Variants in ERC2 observed in about 807,000 individuals in gnomAD.
ERC2 encodes ELKS/RAB6-interacting/CAST family member 2, also known as ERC protein 2.
ERC2 carries 42 observed loss-of-function variants against 114.8 expected under a neutral mutation model. The observed-to-expected ratio is 0.37, with a 90% CI of 0.29 to 0.47. ERC2 has a LOEUF of 0.47. Among genes scored for constraint, ERC2 ranks in the 20% least tolerant of loss-of-function variants. The pLI is 0.99. For synonymous variants in ERC2, 454 were observed against 425.5 expected (o/e 1.07, Z -0.82); for missense variants, 939 against 1,150.7 (o/e 0.82, Z 2.66).
chr3:55,634,617 G>C (rs1161227317), intron 17 of ERC2, among the ~76,000 whole-genome samples: 3 of 152,166 alleles, frequency 2.0e-5, no homozygotes, highest in Non-Finnish European at 4.4e-5. Context: ...TAGACTGTAA[G>C]ATTAAACCAT....
chr3:55,995,267 A>T (rs1044914068), intron 10 of ERC2, among the ~76,000 whole-genome samples: 1 of 152,156 alleles, frequency 6.6e-6, no homozygotes, highest in Non-Finnish European at 1.5e-5. Context: ...CAGGAGGCGG[A>T]GGTTTCAGTG....
intron 14 of ERC2, among the ~76,000 whole-genome samples, chr3:55,799,362 TTA>T (rs770426790): frequency 1.4e-4 from 19 of 133,614 alleles, no homozygotes; most frequent in Non-Finnish European, 1.6e-4. Context: ...ACCACAATTC[TTA>T]TATATATATA....
chr3:56,038,647 A>G (rs1026097433), intron 7 of ERC2, among the ~76,000 whole-genome samples: 3 of 152,222 alleles, frequency 2.0e-5, no homozygotes, highest in Non-Finnish European at 4.4e-5. Context: ...TGTTCATTGC[A>G]GCACTATTCG....
intron 15 of ERC2, among the ~76,000 whole-genome samples, chr3:55,713,604 T>C (rs1211142151): frequency 6.6e-6 from 1 of 152,234 alleles, no homozygotes; most frequent in Admixed American, 6.5e-5. Context: ...TCTGATTTTG[T>C]CTGCCATTGT....
At chr3:56,301,341 CTTTTAA>C (rs1220893750) in intron 2 of ERC2, among the ~76,000 whole-genome samples, 3 of 151,732 alleles carry the variant, frequency 2.0e-5, no homozygotes, top group Admixed American at 6.6e-5. Context: ...TTTTCATTTT[CTTTTAA>C]TTTTAAGATA....
chr3:56,310,843 C>T (rs1208804198), intron 2 of ERC2, among the ~76,000 whole-genome samples: 2 of 151,832 alleles, frequency 1.3e-5, no homozygotes, highest in African/African-American at 4.8e-5. Context: ...CACAGGTAAT[C>T]TGTAGTCACA....
chr3:56,193,137 G>A (rs1281805550), intron 3 of ERC2, among the ~76,000 whole-genome samples: 4 of 152,136 alleles, frequency 2.6e-5, no homozygotes, highest in African/African-American at 9.7e-5. Context: ...TTCACAATAG[G>A]TTAAATGAAA....
chr3:55,853,690 C>G (rs1298208595), intron 14 of ERC2, among the ~76,000 whole-genome samples: 3 of 152,178 alleles, frequency 2.0e-5, no homozygotes, highest in Non-Finnish European at 4.4e-5. Context: ...TATGATTCCA[C>G]TTACTTGAAA....
chr3:56,318,074 T>C (rs2056953149), intron 2 of ERC2, among the ~76,000 whole-genome samples: 1 of 152,082 alleles, frequency 6.6e-6, no homozygotes, highest in Non-Finnish European at 1.5e-5. Flanking sequence ...CACATAGGAG[T>C]GTTTAATAAA....
At chr3:56,031,232 C>T (rs2074363086) in intron 7 of ERC2, among the ~76,000 whole-genome samples, 2 of 152,238 alleles carry the variant, frequency 1.3e-5, no homozygotes, top group African/African-American at 4.8e-5. Flanking sequence ...AGACAACAGG[C>T]TCATCCCTGT....
chr3:56,269,728 T>C (rs2053539473), intron 3 of ERC2, among the ~76,000 whole-genome samples: 2 of 152,150 alleles, frequency 1.3e-5, no homozygotes, highest in Non-Finnish European at 2.9e-5. Context: ...TGGTTAATCA[T>C]GACCCTCAGC....
chr3:56,120,731 G>A (rs1175188965), intron 6 of ERC2, among the ~76,000 whole-genome samples: 1 of 152,146 alleles, frequency 6.6e-6, no homozygotes, highest in Non-Finnish European at 1.5e-5. Context: ...GAGTTACCAT[G>A]TGCAAAAATC....
chr3:56,344,226 G>C (rs1392333309), intron 2 of ERC2, among the ~76,000 whole-genome samples: 2 of 152,216 alleles, frequency 1.3e-5, no homozygotes, highest in Admixed American at 6.5e-5. Context: ...GGCAGGCCTG[G>C]CAGAATGTAT....
At chr3:55,602,830 T>C (rs1023782298) in intron 17 of ERC2, among the ~76,000 whole-genome samples, 4 of 152,178 alleles carry the variant, frequency 2.6e-5, no homozygotes, top group African/African-American at 9.7e-5. Flanking sequence ...CAGAGAGGAC[T>C]TGTTTACCTC....
intron 17 of ERC2, among the ~76,000 whole-genome samples, chr3:55,602,838 C>T (rs951801194): frequency 6.6e-6 from 1 of 152,142 alleles, no homozygotes; most frequent in African/African-American, 2.4e-5. Context: ...ACTTGTTTAC[C>T]TCTTCTATGC....
chr3:56,055,198 C>G (rs932167804), intron 7 of ERC2, among the ~76,000 whole-genome samples: 2 of 152,216 alleles, frequency 1.3e-5, no homozygotes, highest in Non-Finnish European at 2.9e-5. Context: ...GAATGCCATA[C>G]AGCTTTTGTG....
At chr3:56,296,592 A>T (rs1335365090) in intron 2 of ERC2, among the ~76,000 whole-genome samples, 157 bp from the exon 3 acceptor site, 3 of 152,236 alleles carry the variant, frequency 2.0e-5, no homozygotes, top group Admixed American at 1.3e-4. Context: ...CTTCAGAAGC[A>T]TGGGACAGCA....
intron 1 of ERC2, among the ~76,000 whole-genome samples, chr3:56,461,350 T>G (rs1404872602): frequency 6.6e-6 from 1 of 152,226 alleles, no homozygotes; most frequent in Non-Finnish European, 1.5e-5. Context: ...AAAGTTTACT[T>G]CTTGGTCTAT....
intron 14 of ERC2, among the ~76,000 whole-genome samples, chr3:55,776,286 A>G (rs2068612298): frequency 6.6e-6 from 1 of 152,188 alleles, no homozygotes; most frequent in East Asian, 1.9e-4. Flanking sequence ...TCTGCACACC[A>G]TGGAGAGAAG....
Sources: allele counts gnomAD v4.1 joint callset (sites outside exome capture counted in the v4.1 genomes callset), GRCh38; gene constraint gnomAD v4.1.1; transcripts MANE v1.5; gene names NCBI Gene and HGNC (gene_info 2026-07-23, HGNC 2026-07-21).